The following NOS1AP variants were observed in gnomAD, a reference collection of about 807,000 sequenced individuals.
NOS1AP encodes the protein nitric oxide synthase 1 adaptor protein.
A neutral mutation model predicts 56.2 loss-of-function variants in NOS1AP; 21 were observed. The ratio of observed to expected loss-of-function variants is 0.37; its 90% CI spans 0.26 to 0.54. The LOEUF (loss-of-function observed/expected upper bound fraction) is 0.54. NOS1AP is among the 20% of genes least tolerant of loss of function. The pLI, the probability that NOS1AP is intolerant of heterozygous loss-of-function variation, is 0.84. For missense variants in NOS1AP, 522 were observed against 657.8 expected, an observed-to-expected ratio of 0.79 and a Z score of 2.26; for synonymous variants, 270 against 274.6, an observed-to-expected ratio of 0.98 and a Z score of 0.17.
chr1:162,127,334 A>G (rs774059510), intron 1 of NOS1AP, among the ~76,000 whole-genome samples: 9 of 152,154 alleles, frequency 5.9e-5, no homozygotes, highest in South Asian at 2.1e-4. Context: ...ATCTGGGTTT[A>G]CAAAGTTTTA....
chr1:162,359,787 A>G (rs1164892993), intron 8 of NOS1AP, among the ~76,000 whole-genome samples: 2 of 152,040 alleles, frequency 1.3e-5, no homozygotes, highest in South Asian at 2.1e-4. Context: ...CTCTATTGCC[A>G]CCAAACTGCA....
At chr1:162,094,033 G>A (rs1360277194) in intron 1 of NOS1AP, among the ~76,000 whole-genome samples, 1 of 152,160 alleles carries the variant, frequency 6.6e-6, no homozygotes, top group African/African-American at 2.4e-5. Flanking sequence ...GACCTCAATA[G>A]GCGTAAGTGC....
chr1:162,213,701 C>T (rs780416622), intron 2 of NOS1AP, among the ~76,000 whole-genome samples: 24 of 152,194 alleles, frequency 1.6e-4, no homozygotes, highest in Non-Finnish European at 1.6e-4. Context: ...TGCCAACTTC[C>T]CTGGCATGTG....
At position 162,343,945 on chromosome 1, in the gene NOS1AP, C is replaced by T. The variant is rs3751284; in HGVS notation, c.564C>T (p.Ser188=). Residue 188 remains serine (S), a synonymous_variant, in exon 6 of 10, where the codon AGC becomes AGT. Coordinates refer to ENST00000361897, the MANE Select transcript of NOS1AP (RefSeq NM_014697.3). The part of the protein sequence containing the change: ...QNADGQEDGE[S]ERNSNSSGDP... ...CAGATGGCCAGGAAGATGGAGAGAG[C>T]GAGAGGAACAGCAACAGCTCAGGAG... The T allele has an allele frequency of 0.37, 601,048 of 1,613,488 alleles. 115,467 individuals carry two copies. Among genetic ancestry groups the T allele is most frequent in the East Asian group, 0.6 (26,792 of 44,846 alleles).
intron 2 of NOS1AP, among the ~76,000 whole-genome samples, chr1:162,155,332 A>G (rs1326893494): frequency 1.3e-4 from 19 of 145,016 alleles, no homozygotes; most frequent in African/African-American, 4.0e-4. Context: ...GTATGTGTAT[A>G]TGTATGTATG....
At chr1:162,266,814 T>G (rs1473815797) in intron 2 of NOS1AP, among the ~76,000 whole-genome samples, 1 of 152,238 alleles carries the variant, frequency 6.6e-6, no homozygotes. Context: ...TCTGATCTTT[T>G]GTGCTTTTCT....
intron 1 of NOS1AP, among the ~76,000 whole-genome samples, chr1:162,081,774 A>ATTTTTTTTTTTTT (rs59767273): frequency 6.4e-4 from 28 of 43,962 alleles, no homozygotes; most frequent in South Asian, 2.3e-3. Context: ...ATATATATAT[A>ATTTTTTTTTTTTT]TTTTTTTTTT....
chr1:162,117,312 G>A (rs1648006714), intron 1 of NOS1AP, among the ~76,000 whole-genome samples: 1 of 152,176 alleles, frequency 6.6e-6, no homozygotes, highest in African/African-American at 2.4e-5. Flanking sequence ...GGATTTACTT[G>A]CTGCTGCTTA....
intron 1 of NOS1AP, among the ~76,000 whole-genome samples, chr1:162,105,476 T>C (rs1247724895): frequency 6.6e-6 from 1 of 152,158 alleles, no homozygotes; most frequent in East Asian, 1.9e-4. Context: ...TTCAGATCAT[T>C]TGTATACTAC....
Position 162,082,003 on chromosome 1 carries a change from G to C in NOS1AP, c.105+11721G>C, listed in dbSNP as rs551434097. On this transcript the variant is annotated intron_variant, in intron 1 of 9. Coordinates refer to ENST00000361897, the MANE Select transcript of NOS1AP (RefSeq NM_014697.3). ...TGTTGCATAGGTAAACTTGAGTCAT[G>C]GGGGTTTGTTGTACAGATTATTTCA... 8.1e-4 allele frequency among the ~76,000 whole-genome samples: 123 copies of C among 151,696 alleles called. 1 individual carries two copies. The highest frequency in any genetic ancestry group is 1.8e-3 in the Admixed American group (28 of 15,228).
At chr1:162,233,250 C>A (rs955495702) in intron 2 of NOS1AP, among the ~76,000 whole-genome samples, 1 of 152,140 alleles carries the variant, frequency 6.6e-6, no homozygotes, top group Non-Finnish European at 1.5e-5. Context: ...TGTTGCTCAT[C>A]CTCATGGCCA....
intron 1 of NOS1AP, among the ~76,000 whole-genome samples, chr1:162,135,348 G>A (rs776291934): frequency 6.6e-6 from 1 of 152,148 alleles, no homozygotes; most frequent in Non-Finnish European, 1.5e-5. Flanking sequence ...TATCTGCAAA[G>A]GTTTTCGACT....
chr1:162,182,835 T>C, intron 2 of NOS1AP, among the ~76,000 whole-genome samples: 1 of 152,228 alleles, frequency 6.6e-6, no homozygotes, highest in East Asian at 1.9e-4. Context: ...GCTATTTCTG[T>C]TACATGTGCA....
intron 6 of NOS1AP, among the ~76,000 whole-genome samples, chr1:162,347,731 A>G (rs1053886459): frequency 6.6e-6 from 1 of 152,162 alleles, no homozygotes; most frequent in African/African-American, 2.4e-5. Context: ...GGGATTCCAT[A>G]AGGATCACTT....
intron 1 of NOS1AP, among the ~76,000 whole-genome samples, chr1:162,111,383 C>T (rs10918687): frequency 0.51 from 77,110 of 152,074 alleles, 21,726 homozygotes; most frequent in Non-Finnish European, 0.64. Flanking sequence ...CTCATCCCAG[C>T]CCCCTGGTGA....
chr1:162,247,737 C>G (rs981073370), intron 2 of NOS1AP, among the ~76,000 whole-genome samples: 2 of 152,172 alleles, frequency 1.3e-5, no homozygotes, highest in Non-Finnish European at 2.9e-5. Context: ...TGCCAGAGAG[C>G]CTTTCCTACA....
intron 2 of NOS1AP, among the ~76,000 whole-genome samples, chr1:162,268,932 G>T (rs1289778948): frequency 6.6e-6 from 1 of 152,070 alleles, no homozygotes; most frequent in Non-Finnish European, 1.5e-5. Flanking sequence ...AGAAAAAAAG[G>T]TGGAAACTGG....
chr1:162,304,170 TCTC>T (rs1166703915), intron 4 of NOS1AP, among the ~76,000 whole-genome samples: 2 of 152,112 alleles, frequency 1.3e-5, no homozygotes, highest in Non-Finnish European at 2.9e-5. Flanking sequence ...AAGTTCTCCT[TCTC>T]CTCCTCCTCT....
intron 4 of NOS1AP, among the ~76,000 whole-genome samples, chr1:162,312,841 A>G (rs1048632160): frequency 4.6e-5 from 7 of 151,886 alleles, no homozygotes; most frequent in African/African-American, 1.7e-4. Flanking sequence ...CAAATCAATA[A>G]ATGTAATCCA....
Sources: gnomAD v4.1 joint callset for allele counts (sites outside exome capture counted in the v4.1 genomes callset) on GRCh38, gnomAD v4.1.1 for gene constraint, MANE v1.5 for transcripts, NCBI Gene and HGNC (gene_info 2026-07-23, HGNC 2026-07-21) for gene names.